ARL6IP6: variants seen among roughly 807,000 people sequenced by gnomAD.
The protein encoded by ARL6IP6 is ADP-ribosylation factor-like protein 6-interacting protein 6.
In ARL6IP6, 22 loss-of-function variants were observed where a neutral mutation model predicts 21.5. The ratio of observed to expected loss-of-function variants is 1.02; its 90% CI spans 0.73 to 1.46. The LOEUF (loss-of-function observed/expected upper bound fraction) is 1.46, where lower values mean the gene tolerates loss of function less well. Among genes scored for constraint, ARL6IP6 ranks in the 40% most tolerant of loss-of-function variants. ARL6IP6 has a pLI of 0.00. For synonymous variants in ARL6IP6, 164 were observed against 125.3 expected, an observed-to-expected ratio of 1.31 and a Z score of -2.06; for missense variants, 388 against 299.8, an observed-to-expected ratio of 1.29 and a Z score of -2.17.
intron 3 of ARL6IP6, among the ~76,000 whole-genome samples, chr2:152,741,834 A>G (rs536005305): frequency 2.4e-3 from 371 of 152,368 alleles, no homozygotes; most frequent in African/African-American, 8.6e-3. Context: ...GGTATAGTGC[A>G]ATATCACATA....
upstream of ARL6IP6, chr2:152,718,605 G>T (rs754704035): frequency 6.6e-7 from 1 of 1,504,782 alleles, no homozygotes; most frequent in Admixed American, 2.3e-5. Context: ...TTCTCCGCGG[G>T]TTTCGTTGTG....
intron 3 of ARL6IP6, among the ~76,000 whole-genome samples, chr2:152,742,748 AT>A (rs1411455788): frequency 9.9e-5 from 15 of 152,054 alleles, no homozygotes; most frequent in Admixed American, 6.6e-5. Flanking sequence ...ATTTCTAGGG[AT>A]GTCTTAAGAG....
chr2:152,718,404 G>T (rs1262138643), upstream of ARL6IP6: 7 of 542,096 alleles, frequency 1.3e-5, no homozygotes, highest in South Asian at 3.9e-4. Context: ...TCCCCTTTCC[G>T]GCTACAGCCC....
rs1354067949 is a variant in ARL6IP6 at position 152,761,922 on chromosome 2, A to G, written c.*2082A>G. Among the ~76,000 whole-genome samples the G allele has an allele frequency of 2.6e-5, 4 of 152,200 alleles. No individual in the cohort carries two copies. Among genetic ancestry groups the G allele is most frequent in the Non-Finnish European group, 5.9e-5 (4 of 68,038 alleles). Reference sequence around the variant, plus strand: ...TATATATACCTACAAGATATATATTAATATAGATAAATATAGAGAGAGATG... The same window carrying G: ...TATATATACCTACAAGATATATATTGATATAGATAAATATAGAGAGAGATG... On this transcript the variant is annotated 3_prime_UTR_variant, in exon 4 of 4. Transcript: ENST00000326446.
At chr2:152,750,199 C>T (rs4664611) in intron 3 of ARL6IP6, among the ~76,000 whole-genome samples, 18,487 of 152,064 alleles carry the variant, frequency 0.12, 1,824 homozygotes, top group East Asian at 0.57. Flanking sequence ...AGAACTGAGA[C>T]CGAGCGCAGT....
chr2:152,718,029 C>G (rs1175688482), upstream of ARL6IP6: 2 of 992,496 alleles, frequency 2.0e-6, no homozygotes, highest in South Asian at 4.4e-5. Flanking sequence ...GGAGGCGTGT[C>G]GAGTAGCGGG....
chr2:152,723,096 C>G (rs563914053), intron 2 of ARL6IP6, among the ~76,000 whole-genome samples: 2 of 152,312 alleles, frequency 1.3e-5, no homozygotes, highest in South Asian at 4.1e-4. Flanking sequence ...TTCTCTCAAA[C>G]TTGACTTCCA....
intron 2 of ARL6IP6, among the ~76,000 whole-genome samples, chr2:152,734,377 C>T (rs967692083): frequency 2.2e-4 from 33 of 152,116 alleles, no homozygotes; most frequent in Admixed American, 5.2e-4. Context: ...AGAGGGGATA[C>T]CCCCAAATTG....
chr2:152,746,001 CTTTTTTTTTTTTTTTT>C lies in ARL6IP6; in HGVS notation c.587+10893_587+10908del, dbSNP rs67760283. The stretch of plus-strand genomic sequence containing the variant: ...CAGCTAATGAGTGCTTGCTTTGTAC[CTTTTTTTTTTTTTTTT>C]TTTTTTTTTTTTTTTTTAAAGACAG... On this transcript the variant is annotated intron_variant, in intron 3 of 3. Coordinates refer to ENST00000326446, the MANE Select transcript of ARL6IP6 (RefSeq NM_152522.7). 5.0e-4 allele frequency among the ~76,000 whole-genome samples: 33 copies of C among 66,386 alleles called. 1 individual carries two copies. Among genetic ancestry groups the C allele is most frequent in the African/African-American group, 5.1e-4 (5 of 9,864 alleles). 43.6% of individuals were successfully genotyped at this position (66,386 alleles called of 152,430 possible).
At chr2:152,720,966 T>G (rs1306744738) in intron 2 of ARL6IP6, among the ~76,000 whole-genome samples, 1 of 152,164 alleles carries the variant, frequency 6.6e-6, no homozygotes, top group Non-Finnish European at 1.5e-5. Context: ...GTTTCACTCA[T>G]GTTTGTAGTC....
intron 2 of ARL6IP6, among the ~76,000 whole-genome samples, chr2:152,721,059 A>C (rs1177842812): frequency 6.6e-6 from 1 of 152,094 alleles, no homozygotes; most frequent in Non-Finnish European, 1.5e-5. Context: ...GTTACACTGC[A>C]CTCCAGCCTG....
upstream of ARL6IP6, chr2:152,718,450 T>C (rs1027556606): frequency 2.3e-6 from 2 of 857,820 alleles, no homozygotes; most frequent in South Asian, 2.8e-5. Flanking sequence ...ATTCCGCCTC[T>C]CCTTTGGCCC....
In ARL6IP6 at chr2:152,759,754, A is replaced by T; in HGVS notation, c.595A>T (p.Thr199Ser). The change falls in exon 4 of 4, where the codon ACT (threonine) becomes TCT (serine). Residue 199 changes from threonine (T) to serine (S), a missense_variant. Coordinates refer to ENST00000326446, the MANE Select transcript of ARL6IP6 (RefSeq NM_152522.7). ...PLSPARFKKL[T>S]GHSFHMGYSM... ...GTTTTTCTTTTTTTCTAGGAAACTGACTGGACATTCTTTCCACATGGGCTA... is the reference window on the plus strand; with the variant it reads ...GTTTTTCTTTTTTTCTAGGAAACTGTCTGGACATTCTTTCCACATGGGCTA... The T allele has an allele frequency of 6.2e-7, 1 of 1,612,474 alleles. No individual in the cohort carries two copies. Among genetic ancestry groups the T allele is most frequent in the African/African-American group, 1.3e-5 (1 of 74,960 alleles).
At chr2:152,739,963 T>TG (rs1369538666) in intron 3 of ARL6IP6, among the ~76,000 whole-genome samples, 1 of 152,202 alleles carries the variant, frequency 6.6e-6, no homozygotes, top group South Asian at 2.1e-4. Flanking sequence ...AACAGCCACA[T>TG]GGGGGTAACC....
At position 152,718,946 on chromosome 2, in the gene ARL6IP6, G is replaced by T. The variant is rs770674510; in HGVS notation, c.322G>T (p.Val108Phe). ...CCAGCCTCGGCGGTGGCCGGTCCAG[G>T]TCCTCTCTATTCTCTGCTCGCTGCT... ...RAQPRRWPVQ[V>F]LSILCSLLFA... Residue 108 changes from valine (V) to phenylalanine (F), a missense_variant, in exon 1 of 4, where the codon GTC becomes TTC. Physicochemically the swap from Val to Phe is conservative, Grantham distance 50 (BLOSUM62 -1). Coordinates refer to ENST00000326446, the MANE Select transcript of ARL6IP6 (RefSeq NM_152522.7). 6 of 1,613,124 alleles carry T rather than the reference G, an allele frequency of 3.7e-6. No individual in the cohort carries two copies. Among genetic ancestry groups the T allele is most frequent in the Non-Finnish European group, 5.1e-6 (6 of 1,179,618 alleles).
chr2:152,722,873 A>G (rs1699858376), intron 2 of ARL6IP6, among the ~76,000 whole-genome samples: 1 of 152,256 alleles, frequency 6.6e-6, no homozygotes, highest in South Asian at 2.1e-4. Flanking sequence ...GCGCCACTGC[A>G]TTCCATCCTC....
chr2:152,721,722 T>A (rs974897289), intron 2 of ARL6IP6, among the ~76,000 whole-genome samples: 1 of 152,130 alleles, frequency 6.6e-6, no homozygotes, highest in Non-Finnish European at 1.5e-5. Context: ...TTTCCTAAAC[T>A]CTCTAATCTA....
At chr2:152,749,300 AACACACACACAAAAAC>A (rs1348618593) in intron 3 of ARL6IP6, among the ~76,000 whole-genome samples, 2 of 114,114 alleles carry the variant, frequency 1.8e-5, no homozygotes, top group African/African-American at 6.5e-5. Context: ...ATCAAGCAGA[AACACACACACAAAAAC>A]ACACACACAC....
Position 152,718,741 on chromosome 2 carries a change from A to T in ARL6IP6, c.117A>T (p.Glu39Asp). ...TTACTCAGGGGGACAGCTGGGGTGA[A>T]GGCGAAGTCGACGAGGAGGAGGGAT... is the stretch of plus-strand genomic sequence containing the variant. ...SSFTQGDSWGEGEVDEEEGCD... is the reference protein window; with the variant it reads ...SSFTQGDSWGDGEVDEEEGCD... Residue 39 changes from glutamate to aspartate, a missense_variant, in exon 1 of 4, where the codon GAA (glutamate) becomes GAT (aspartate). Glu to Asp is a conservative substitution (Grantham distance 45). Coordinates refer to ENST00000326446, the MANE Select transcript of ARL6IP6 (RefSeq NM_152522.7). 1 of 1,610,796 alleles carries T rather than the reference A, an allele frequency of 6.2e-7. No homozygotes were observed. Among genetic ancestry groups the T allele is most frequent in the Non-Finnish European group, 8.5e-7 (1 of 1,178,564 alleles).
Sources: allele counts gnomAD v4.1 joint callset (sites outside exome capture counted in the v4.1 genomes callset), GRCh38; gene constraint gnomAD v4.1.1; transcripts MANE v1.5; gene names NCBI Gene and HGNC (gene_info 2026-07-23, HGNC 2026-07-21).